CACNA1E: variants seen among roughly 807,000 people sequenced by gnomAD.
CACNA1E encodes calcium voltage-gated channel subunit alpha1 E.
CACNA1E carries 40 observed loss-of-function variants against 259.2 expected under a neutral mutation model. The ratio of observed to expected loss-of-function variants is 0.15; its 90% CI spans 0.12 to 0.20. The LOEUF (loss-of-function observed/expected upper bound fraction) is 0.20, where lower values mean the gene tolerates loss of function less well. Ranked by LOEUF, CACNA1E falls within the 10% of genes least tolerant of loss-of-function variation. The pLI is 1.00. For synonymous variants in CACNA1E, 1,104 were observed against 1,138.5 expected, an observed-to-expected ratio of 0.97 and a Z score of 0.61; for missense variants, 1,874 against 3,040.1, an observed-to-expected ratio of 0.62 and a Z score of 9.02.
At chr1:181,690,314 T>C (rs1651016582) in intron 7 of CACNA1E, among the ~76,000 whole-genome samples, 1 of 152,212 alleles carries the variant, frequency 6.6e-6, no homozygotes, top group African/African-American at 2.4e-5. Context: ...CTGAGGCCTC[T>C]GTTCTGTTCC....
chr1:181,631,332 G>T (rs2101943492), intron 6 of CACNA1E, among the ~76,000 whole-genome samples: 1 of 152,222 alleles, frequency 6.6e-6, no homozygotes, highest in South Asian at 2.1e-4. Flanking sequence ...AGTCTTGTAG[G>T]ACCATTCAAA....
intron 18 of CACNA1E, among the ~76,000 whole-genome samples, chr1:181,727,647 G>T (rs879522899): frequency 1.3e-5 from 2 of 152,194 alleles, no homozygotes; most frequent in Admixed American, 1.3e-4. Flanking sequence ...ACACAGAGGG[G>T]TGTTGGAGAA....
chr1:181,660,240 C>G (rs1429337581), intron 7 of CACNA1E, among the ~76,000 whole-genome samples: 1 of 152,202 alleles, frequency 6.6e-6, no homozygotes, highest in Non-Finnish European at 1.5e-5. Context: ...GTCTGCCTTG[C>G]TAGCAACTCA....
intron 3 of CACNA1E, among the ~76,000 whole-genome samples, chr1:181,572,804 C>A (rs1650548163): frequency 6.6e-6 from 1 of 152,134 alleles, no homozygotes; most frequent in African/African-American, 2.4e-5. Context: ...CATTAAGCTA[C>A]TTTTGTACAT....
intron 1 of CACNA1E, among the ~76,000 whole-genome samples, chr1:181,399,860 A>G (rs1439812824): frequency 6.6e-6 from 1 of 152,260 alleles, no homozygotes; most frequent in Non-Finnish European, 1.5e-5. Context: ...AATTAGTACA[A>G]CAAATCACAA....
chr1:181,356,201 T>A (rs1278754566), intron 1 of CACNA1E, among the ~76,000 whole-genome samples: 2 of 152,166 alleles, frequency 1.3e-5, no homozygotes, highest in Non-Finnish European at 2.9e-5. Flanking sequence ...TTATTAGGAA[T>A]ATTCTAGATG....
intron 6 of CACNA1E, among the ~76,000 whole-genome samples, chr1:181,621,913 C>T (rs1402007285): frequency 6.6e-6 from 1 of 152,096 alleles, no homozygotes; most frequent in Non-Finnish European, 1.5e-5. Flanking sequence ...TCAGCTGTGG[C>T]GAGGGTCATA....
At chr1:181,760,601 G>C (rs560267880) in intron 32 of CACNA1E, among the ~76,000 whole-genome samples, 5 of 152,308 alleles carry the variant, frequency 3.3e-5, no homozygotes, top group Admixed American at 3.3e-4. Context: ...ACAACAATTG[G>C]TTGGCTATTA....
intron 2 of CACNA1E, among the ~76,000 whole-genome samples, chr1:181,476,552 G>T (rs1571958407): frequency 6.6e-6 from 1 of 152,214 alleles, no homozygotes; most frequent in African/African-American, 2.4e-5. Flanking sequence ...AGTGGATCAA[G>T]ACCAGGCAAG....
Position 181,790,523 on chromosome 1 carries a change from C to A in CACNA1E, c.5865C>A (p.Ala1955=). The change falls in exon 44 of 48, where the codon GCC becomes GCA. Residue 1955 remains alanine, a synonymous_variant. Coordinates refer to ENST00000367573, the MANE Select transcript of CACNA1E (RefSeq NM_001205293.3). The part of the protein sequence containing the change: ...DIFQLACMDP[A]DDGQFQERQS... ...TCCAGTTGGCTTGTATGGACCCCGC[C>A]GATGACGGACAGTTCCAAGAACGGC... 1 of 1,611,688 alleles carries A rather than the reference C, an allele frequency of 6.2e-7. No individual in the cohort carries two copies. The highest frequency in any genetic ancestry group is 2.2e-5 in the East Asian group (1 of 44,874).
chr1:181,737,357 G>T (rs1428899104), intron 22 of CACNA1E, among the ~76,000 whole-genome samples, 168 bp from the exon 23 acceptor site: 1 of 152,204 alleles, frequency 6.6e-6, no homozygotes, highest in East Asian at 1.9e-4. Context: ...CTCCACTGGG[G>T]CTTTAAATCA....
chr1:181,345,864 G>A (rs960583115), intron 1 of CACNA1E, among the ~76,000 whole-genome samples: 3 of 152,212 alleles, frequency 2.0e-5, no homozygotes, highest in Non-Finnish European at 4.4e-5. Context: ...TGAGTACTGT[G>A]GGAGGAGGGG....
chr1:181,434,394 A>AT (rs34732298), intron 2 of CACNA1E, among the ~76,000 whole-genome samples: 52,269 of 148,968 alleles, frequency 0.35, 9,230 homozygotes, highest in Middle Eastern at 0.41. Context: ...CTACTGGCCA[A>AT]TTTTTTTTTT....
rs1572938650 is a variant in CACNA1E, at chr1:181,804,745, A to G, written c.*5911A>G. 1 of 152,116 alleles carries G rather than the reference A, an allele frequency of 6.6e-6. No individual in the cohort carries two copies. Among genetic ancestry groups the G allele is most frequent in the East Asian group, 1.9e-4 (1 of 5,194 alleles). The allele number at this position is 152,116 out of a possible 1,614,324, so 9.4% of individuals were successfully genotyped here. ...TAAAGCACTTAGTCTCCACAAAGCA[A>G]TTTAGAAAAATCTTCACTTGTTAGA... On this transcript the variant is annotated 3_prime_UTR_variant, in exon 48 of 48. Coordinates refer to ENST00000367573, the MANE Select transcript of CACNA1E (RefSeq NM_001205293.3).
intron 14 of CACNA1E, 97 bp downstream of exon 14, chr1:181,720,434 C>T (rs1238769129): frequency 7.3e-7 from 1 of 1,361,354 alleles, no homozygotes; most frequent in Non-Finnish European, 1.0e-6. Context: ...TGTTACTATC[C>T]TGTCTGCCTT....
At chr1:181,703,509 A>T (rs1335232454) in intron 7 of CACNA1E, among the ~76,000 whole-genome samples, 1 of 152,214 alleles carries the variant, frequency 6.6e-6, no homozygotes, top group African/African-American at 2.4e-5. Flanking sequence ...GAAACAGGAA[A>T]CATATTCCAG....
intron 1 of CACNA1E, among the ~76,000 whole-genome samples, chr1:181,502,133 A>G (rs943770909): frequency 1.3e-5 from 2 of 152,082 alleles, no homozygotes; most frequent in African/African-American, 4.8e-5. Flanking sequence ...CCAGGTTTGC[A>G]GCCAGAGTTG....
chr1:181,651,161 C>T (rs757141654), intron 6 of CACNA1E, among the ~76,000 whole-genome samples, 177 bp from the exon 7 acceptor site: 2 of 152,142 alleles, frequency 1.3e-5, no homozygotes, highest in South Asian at 4.1e-4. Context: ...TTCTTCATTA[C>T]GTACATGGGA....
intron 1 of CACNA1E, among the ~76,000 whole-genome samples, chr1:181,323,408 C>T (rs1557910408): frequency 1.3e-5 from 2 of 152,120 alleles, no homozygotes. Context: ...TGGGTCTCCA[C>T]TTATTAATAC....
Sources: gnomAD v4.1 joint callset for allele counts (sites outside exome capture counted in the v4.1 genomes callset) on GRCh38, gnomAD v4.1.1 for gene constraint, MANE v1.5 for transcripts, NCBI Gene and HGNC (gene_info 2026-07-23, HGNC 2026-07-21) for gene names.